The following CAMK1D variants were observed in gnomAD, a reference collection of about 807,000 sequenced individuals.
The protein encoded by CAMK1D is calcium/calmodulin-dependent protein kinase type 1D.
Under a neutral mutation model 47.7 loss-of-function variants are expected in CAMK1D, and 9 were observed. The observed-to-expected ratio is 0.19, with a 90% CI of 0.11 to 0.33. The LOEUF is 0.33. Among genes scored for constraint, CAMK1D ranks in the 10% least tolerant of loss-of-function variants. CAMK1D has a pLI of 1.00. For missense variants in CAMK1D, 291 were observed against 488.7 expected, an observed-to-expected ratio of 0.60 and a Z score of 3.81; for synonymous variants, 184 against 184.9, an observed-to-expected ratio of 0.99 and a Z score of 0.04.
At chr10:12,694,072 A>T (rs1181204708) in intron 3 of CAMK1D, among the ~76,000 whole-genome samples, 2 of 56,132 alleles carry the variant, frequency 3.6e-5, no homozygotes, top group Admixed American at 3.3e-4. Flanking sequence ...ATAATATATA[A>T]AAAATATTAT....
At chr10:12,491,185 G>A (rs989391540) in intron 1 of CAMK1D, among the ~76,000 whole-genome samples, 7 of 152,080 alleles carry the variant, frequency 4.6e-5, no homozygotes, top group African/African-American at 1.7e-4. Context: ...GTGCATGTGT[G>A]TGCAGGTGTT....
intron 5 of CAMK1D, among the ~76,000 whole-genome samples, chr10:12,785,632 G>A (rs187254811): frequency 3.2e-4 from 48 of 152,250 alleles, no homozygotes; most frequent in Middle Eastern, 3.4e-3. Flanking sequence ...CTGGAAACTC[G>A]TTGGTCTTCT....
At chr10:12,593,700 A>C (rs188654077) in intron 2 of CAMK1D, among the ~76,000 whole-genome samples, 2 of 152,280 alleles carry the variant, frequency 1.3e-5, no homozygotes, top group East Asian at 3.9e-4. Flanking sequence ...TTAATTAATA[A>C]ATTGTGAATA....
chr10:12,530,519 T>C (rs1343390408), intron 1 of CAMK1D, among the ~76,000 whole-genome samples: 2 of 152,184 alleles, frequency 1.3e-5, no homozygotes, highest in African/African-American at 4.8e-5. Flanking sequence ...AGCTTGGTAA[T>C]TGACATGCTA....
At position 12,666,824 on chromosome 10, in the gene CAMK1D, T is replaced by A. The variant is rs1266305296; in HGVS notation, c.299+14T>A. On this transcript the variant is annotated intron_variant, in intron 3 of 10. Transcript: ENST00000619168. The stretch of plus-strand genomic sequence containing the variant: ...GGTCATGCAGCTGTAAGTACCTTGT[T>A]TGATTGATGAGTTTTGAACCAACTT... The A allele has an allele frequency of 1.2e-6, 2 of 1,606,230 alleles. No individual in the cohort carries two copies. Among genetic ancestry groups the A allele is most frequent in the Non-Finnish European group, 1.7e-6 (2 of 1,173,252 alleles).
chr10:12,586,024 A>C (rs1837806597), intron 2 of CAMK1D, among the ~76,000 whole-genome samples: 1 of 152,140 alleles, frequency 6.6e-6, no homozygotes, highest in Non-Finnish European at 1.5e-5. Context: ...AACAAGAGTG[A>C]AATTGGCCAA....
At chr10:12,751,103 TAAGATAAGATAAGATAAGATAAG>T (rs1835949507) in intron 3 of CAMK1D, among the ~76,000 whole-genome samples, 4 of 105,318 alleles carry the variant, frequency 3.8e-5, no homozygotes, top group Admixed American at 9.3e-5. Flanking sequence ...TAAGATAAGA[TAAGATAAGATAAGATAAGATAAG>T]AAGGCTTCAG....
intron 1 of CAMK1D, among the ~76,000 whole-genome samples, chr10:12,394,856 T>A (rs999753061): frequency 1.2e-4 from 19 of 152,042 alleles, no homozygotes; most frequent in Non-Finnish European, 2.8e-4. Flanking sequence ...TCAGAGCCTG[T>A]AGCAGGGCTG....
chr10:12,686,372 A>G (rs2130641828), intron 3 of CAMK1D, among the ~76,000 whole-genome samples: 1 of 152,254 alleles, frequency 6.6e-6, no homozygotes, highest in South Asian at 2.1e-4. Flanking sequence ...CCCAGACTAG[A>G]GTGCAATGGT....
At chr10:12,478,758 G>A (rs1833975772) in intron 1 of CAMK1D, among the ~76,000 whole-genome samples, 1 of 152,086 alleles carries the variant, frequency 6.6e-6, no homozygotes. Flanking sequence ...TGTCTCTTGG[G>A]CACTGTGCAG....
At chr10:12,435,367 C>T (rs538426583) in intron 1 of CAMK1D, among the ~76,000 whole-genome samples, 4 of 152,110 alleles carry the variant, frequency 2.6e-5, no homozygotes, top group East Asian at 1.9e-4. Flanking sequence ...CTGCTGCTTC[C>T]GTGGTTTTCT....
At chr10:12,754,043 A>G (rs558769357) in intron 3 of CAMK1D, among the ~76,000 whole-genome samples, 1 of 152,182 alleles carries the variant, frequency 6.6e-6, no homozygotes, top group African/African-American at 2.4e-5. Flanking sequence ...GGAGTGTGGC[A>G]CCACACCTGG....
intron 1 of CAMK1D, among the ~76,000 whole-genome samples, chr10:12,388,861 G>A (rs957930968): frequency 6.6e-6 from 1 of 152,168 alleles, no homozygotes; most frequent in African/African-American, 2.4e-5. Flanking sequence ...TTGTTACCAC[G>A]CTCCCCTGGA....
At chr10:12,561,446 G>A (rs1836940337) in intron 2 of CAMK1D, among the ~76,000 whole-genome samples, 1 of 151,954 alleles carries the variant, frequency 6.6e-6, no homozygotes. Context: ...ACATTGACAG[G>A]TCTTCCATAA....
intron 2 of CAMK1D, among the ~76,000 whole-genome samples, chr10:12,563,005 G>A (rs1324203108): frequency 6.6e-6 from 1 of 152,218 alleles, no homozygotes; most frequent in Non-Finnish European, 1.5e-5. Flanking sequence ...AGAAGCAATA[G>A]GATATATGTA....
intron 2 of CAMK1D, among the ~76,000 whole-genome samples, chr10:12,605,120 C>G (rs962269244): frequency 5.3e-5 from 8 of 152,032 alleles, no homozygotes; most frequent in Non-Finnish European, 1.2e-4. Flanking sequence ...ATCTCCTGAC[C>G]TTGTATCTGC....
intron 3 of CAMK1D, among the ~76,000 whole-genome samples, chr10:12,740,750 G>C (rs1255790304): frequency 6.6e-6 from 1 of 152,214 alleles, no homozygotes; most frequent in East Asian, 1.9e-4. Context: ...CTTTTGGAGA[G>C]ATCTCTGTTT....
At chr10:12,813,574 T>C (rs1422282142) in intron 6 of CAMK1D, among the ~76,000 whole-genome samples, 1 of 152,106 alleles carries the variant, frequency 6.6e-6, no homozygotes. Context: ...TGTGGTTAAT[T>C]CTGTGCAGAG....
intron 6 of CAMK1D, among the ~76,000 whole-genome samples, chr10:12,797,083 G>A (rs552684970): frequency 6.6e-6 from 1 of 152,268 alleles, no homozygotes; most frequent in Admixed American, 6.5e-5. Context: ...GGAGGCGGGT[G>A]GCCTTAGATA....
Sources: gnomAD v4.1 joint callset for allele counts (sites outside exome capture counted in the v4.1 genomes callset) on GRCh38, gnomAD v4.1.1 for gene constraint, MANE v1.5 for transcripts, NCBI Gene and HGNC (gene_info 2026-07-23, HGNC 2026-07-21) for gene names.